MPRIP: variants seen among roughly 807,000 people sequenced by gnomAD.
MPRIP encodes the protein myosin phosphatase Rho interacting protein, also known as myosin phosphatase Rho-interacting protein.
A neutral mutation model predicts 234.9 loss-of-function variants in MPRIP; 59 were observed. The observed-to-expected ratio is 0.25, with a 90% CI of 0.20 to 0.31. The LOEUF (loss-of-function observed/expected upper bound fraction) is 0.31. MPRIP is among the 10% of genes least tolerant of loss of function. The pLI, the probability that MPRIP is intolerant of heterozygous loss-of-function variation, is 1.00. For synonymous variants in MPRIP, 1,144 were observed against 1,263.9 expected (o/e 0.91, Z 2.01); for missense variants, 2,436 against 3,071.0 (o/e 0.79, Z 4.89).
rs529245081 is a variant in MPRIP, at chr17:17,166,121, T to C, written c.4530T>C (p.Ser1510=). ...CAGCCTCCCTGGCCAGTGTGGAGAG[T>C]GCACTCGTCAGCGCCATCCAAGCCC... is the stretch of plus-strand genomic sequence containing the variant. The part of the protein sequence containing the change: ...ARAASLASVE[S]ALVSAIQALQ... Residue 1510 remains serine, a synonymous_variant, in exon 16 of 24, where the codon AGT becomes AGC. Coordinates refer to ENST00000651222, the MANE Select transcript of MPRIP (RefSeq NM_001364716.4). The surrounding 1 kb of genome is among the most constrained non-coding windows in gnomAD (Gnocchi z 4.4). 4 of 1,299,324 alleles carry C rather than the reference T, an allele frequency of 3.1e-6. No individual in the cohort carries two copies. In the South Asian group the frequency reaches 3.7e-5, roughly 12 times the overall value. 80.5% of individuals were successfully genotyped at this position (1,299,324 alleles called of 1,614,324 possible). A position where few individuals can be genotyped will look rare whatever the true frequency, so the allele number is the denominator to read the frequency against.
chr17:17,061,494 C>T (rs972769707), intron 1 of MPRIP, among the ~76,000 whole-genome samples: 3 of 152,220 alleles, frequency 2.0e-5, no homozygotes, highest in East Asian at 1.9e-4. Context: ...ACGGTTTGCA[C>T]GCATTCTGCT....
intron 15 of MPRIP, 113 bp downstream of exon 15, chr17:17,161,469 CAGG>C: frequency 1.6e-6 from 1 of 616,680 alleles, no homozygotes; most frequent in South Asian, 2.7e-5. Flanking sequence ...GGGTGTCTCC[CAGG>C]AGCTCATGCC....
Position 17,042,816 on chromosome 17 carries a change from G to C in MPRIP, c.-33G>C. 1 of 1,370,692 alleles carries C rather than the reference G, an allele frequency of 7.3e-7. No individual in the cohort carries two copies. Among genetic ancestry groups the C allele is most frequent in the South Asian group, 1.3e-5 (1 of 78,578 alleles). The allele number at this position is 1,370,692 out of a possible 1,614,324, so 84.9% of individuals were successfully genotyped here. On this transcript the variant is annotated 5_prime_UTR_variant, in exon 1 of 24. Transcript: ENST00000651222. The stretch of plus-strand genomic sequence containing the variant: ...GCGCCAGGCCGGCCAGGCCTGCGCC[G>C]CCGCCGCCGCCGCCGTCGCCGCCGC...
chr17:17,126,933 C>A, intron 4 of MPRIP, 80 bp downstream of exon 4: 1 of 1,529,486 alleles, frequency 6.5e-7, no homozygotes, highest in Admixed American at 1.8e-5. Context: ...GCCCCTGTGG[C>A]AGTGTCGATG....
At position 17,146,795 on chromosome 17, in the gene MPRIP, A is replaced by G. The variant is rs545710349; in HGVS notation, c.1561-524A>G. 8.5e-5 allele frequency among the ~76,000 whole-genome samples: 13 copies of G among 152,322 alleles called. No homozygotes were observed. The South Asian group carries it at 2.5e-3, about 29-fold the overall frequency. On this transcript the variant is annotated intron_variant, in intron 10 of 23. Transcript: ENST00000651222. ...AAGACATCCTCTTTATTTCTCCTCC[A>G]TATCAAATGCCCTTGGCCTGGCATG...
chr17:17,099,898 T>G (rs1227317404), intron 3 of MPRIP, among the ~76,000 whole-genome samples: 1 of 152,188 alleles, frequency 6.6e-6, no homozygotes, highest in Non-Finnish European at 1.5e-5. Context: ...TTTGTAAAAA[T>G]TATACATTTT....
chr17:17,148,250 G>A (rs1028440000), intron 11 of MPRIP, among the ~76,000 whole-genome samples: 1 of 152,230 alleles, frequency 6.6e-6, no homozygotes, highest in African/African-American at 2.4e-5. Flanking sequence ...TAAGTGTTTG[G>A]TTGCATGTGC....
intron 15 of MPRIP, among the ~76,000 whole-genome samples, chr17:17,163,784 C>T (rs148603949): frequency 1.3e-5 from 2 of 152,240 alleles, no homozygotes; most frequent in African/African-American, 4.8e-5. Context: ...CTGGCGCTCT[C>T]TTGTCCTTTA....
intron 9 of MPRIP, among the ~76,000 whole-genome samples, chr17:17,145,408 G>A (rs560775257): frequency 6.6e-6 from 1 of 152,254 alleles, no homozygotes; most frequent in Non-Finnish European, 1.5e-5. Flanking sequence ...GTCTCAGGCT[G>A]TTCCTCAGGG....
rs143121992 is a variant in MPRIP at position 17,050,124 on chromosome 17, G to A, written c.123+7153G>A. Among the ~76,000 whole-genome samples, 563 of 152,226 alleles carry A rather than the reference G, an allele frequency of 3.7e-3. 1 individual carries two copies. Among genetic ancestry groups the A allele is most frequent in the African/African-American group, 0.013 (521 of 41,544 alleles). ...GGGTGGATCACGAGGTCAGGAGATC[G>A]AGACCACGGTGAAACCCTGTCTCTA... On this transcript the variant is annotated intron_variant, in intron 1 of 23. Transcript: ENST00000651222.
At chr17:17,128,578 T>A (rs1248607590) in intron 4 of MPRIP, among the ~76,000 whole-genome samples, 1 of 152,172 alleles carries the variant, frequency 6.6e-6, no homozygotes, top group Non-Finnish European at 1.5e-5. Context: ...ACATGCCATC[T>A]GGGCCCTACG....
At chr17:17,105,383 A>G (rs1185126731) in intron 3 of MPRIP, among the ~76,000 whole-genome samples, 1 of 152,202 alleles carries the variant, frequency 6.6e-6, no homozygotes, top group Non-Finnish European at 1.5e-5. Flanking sequence ...ATATCTTTCT[A>G]CATCCATACT....
At chr17:17,085,140 AC>A in intron 3 of MPRIP, among the ~76,000 whole-genome samples, 1 of 152,194 alleles carries the variant, frequency 6.6e-6, no homozygotes, top group Middle Eastern at 3.4e-3. Flanking sequence ...GAGCCCAAGT[AC>A]CTTAGGGAGG....
Position 17,147,329 on chromosome 17 carries a change from A to G in MPRIP, c.1571A>G (p.His524Arg). ...TTTCTTCCCCTTTAGTGGAAGAAAC[A>G]CTGGTTTGTCCTCGCCGATCAAAGC... is the stretch of plus-strand genomic sequence containing the variant. The part of the protein sequence containing the change: ...KQYEDGQWKK[H>R]WFVLADQSLR... Residue 524 changes from histidine to arginine, a missense_variant, in exon 11 of 24, where the codon CAC becomes CGC. His to Arg is a conservative substitution (Grantham distance 29, BLOSUM62 0). Coordinates refer to ENST00000651222, the MANE Select transcript of MPRIP (RefSeq NM_001364716.4). 1.9e-6 allele frequency: 3 copies of G among 1,614,052 alleles called. No individual in the cohort carries two copies. Among genetic ancestry groups the G allele is most frequent in the Non-Finnish European group, 2.5e-6 (3 of 1,179,968 alleles).
At chr17:17,126,279 G>A (rs1439236637) in intron 3 of MPRIP, among the ~76,000 whole-genome samples, 1 of 152,160 alleles carries the variant, frequency 6.6e-6, no homozygotes, top group Non-Finnish European at 1.5e-5. Context: ...CTGCTCTCAA[G>A]GATGTGGCTT....
At chr17:17,175,249 C>T in intron 19 of MPRIP, 44 bp from the exon 20 acceptor site, 1 of 1,611,790 alleles carries the variant, frequency 6.2e-7, no homozygotes, top group Non-Finnish European at 8.5e-7. Flanking sequence ...GCGACTTGGC[C>T]CCAGGCAGCT....
intron 5 of MPRIP, among the ~76,000 whole-genome samples, chr17:17,135,232 A>G (rs2090671586): frequency 6.6e-6 from 1 of 152,200 alleles, no homozygotes; most frequent in Non-Finnish European, 1.5e-5. Flanking sequence ...TTCTCTGCCC[A>G]GGGACTGCCT....
chr17:17,086,303 G>A (rs1223961557), intron 3 of MPRIP, among the ~76,000 whole-genome samples: 1 of 152,140 alleles, frequency 6.6e-6, no homozygotes, highest in African/African-American at 2.4e-5. Context: ...GGGTGTTGAG[G>A]ATTTTTTACC....
At chr17:17,056,258 A>C (rs1481364621) in intron 1 of MPRIP, among the ~76,000 whole-genome samples, 1 of 152,180 alleles carries the variant, frequency 6.6e-6, no homozygotes, top group Non-Finnish European at 1.5e-5. Context: ...TTTGAGGAAC[A>C]GGGTGTGACT....
Sources: gnomAD v4.1 joint callset for allele counts (sites outside exome capture counted in the v4.1 genomes callset) on GRCh38, gnomAD v4.1.1 for gene constraint, Gnocchi (gnomAD v3.1) non-coding constraint, MANE v1.5 for transcripts, NCBI Gene and HGNC (gene_info 2026-07-23, HGNC 2026-07-21) for gene names.